The following ROBO2 variants were observed in gnomAD, a reference collection of about 807,000 sequenced individuals.
The protein encoded by ROBO2 is roundabout guidance receptor 2.
Under a neutral mutation model 160.8 loss-of-function variants are expected in ROBO2, and 53 were observed. The observed-to-expected ratio is 0.33, with a 90% CI of 0.26 to 0.41. The LOEUF is 0.41. Among genes scored for constraint, ROBO2 ranks in the 10% least tolerant of loss-of-function variants. ROBO2 has a pLI of 1.00. For synonymous variants in ROBO2, 664 were observed against 611.7 expected, an observed-to-expected ratio of 1.09 and a Z score of -1.26; for missense variants, 1,577 against 1,722.4, an observed-to-expected ratio of 0.92 and a Z score of 1.49.
intron 2 of ROBO2, among the ~76,000 whole-genome samples, chr3:76,293,909 C>T (rs1278951295): frequency 6.6e-6 from 1 of 152,202 alleles, no homozygotes; most frequent in East Asian, 1.9e-4. Context: ...CCTCCTGCCA[C>T]CATTCACGGC....
intron 2 of ROBO2, among the ~76,000 whole-genome samples, chr3:77,228,272 T>C: frequency 6.6e-6 from 1 of 152,050 alleles, no homozygotes; most frequent in East Asian, 1.9e-4. Flanking sequence ...GCTCAAGGGA[T>C]CCTCCCACCT....
chr3:76,237,339 T>A (rs1475904933), intron 2 of ROBO2, among the ~76,000 whole-genome samples: 1 of 152,196 alleles, frequency 6.6e-6, no homozygotes, highest in African/African-American at 2.4e-5. Flanking sequence ...TTGTTTTTTC[T>A]TTATATATCT....
intron 2 of ROBO2, among the ~76,000 whole-genome samples, chr3:76,643,630 T>C (rs1560293560): frequency 6.6e-6 from 1 of 151,078 alleles, no homozygotes; most frequent in Admixed American, 6.6e-5. Flanking sequence ...TATTATTTTG[T>C]GCTTTGTTTT....
intron 2 of ROBO2, among the ~76,000 whole-genome samples, chr3:77,246,663 C>T (rs922517389): frequency 3.5e-4 from 53 of 152,088 alleles, no homozygotes; most frequent in Non-Finnish European, 1.8e-4. Context: ...AGTGTCGGCA[C>T]GTAACATTTT....
intron 6 of ROBO2, among the ~76,000 whole-genome samples, chr3:77,526,691 A>G (rs1398807020): frequency 6.6e-6 from 1 of 151,544 alleles, no homozygotes; most frequent in Admixed American, 6.6e-5. Context: ...AAGTTATGGT[A>G]TAATAAAAAA....
At chr3:77,038,731 C>T (rs1444313601), upstream of ROBO2, among the ~76,000 whole-genome samples, 1 of 152,214 alleles carries the variant, frequency 6.6e-6, no homozygotes, top group Admixed American at 6.5e-5. Flanking sequence ...CCGCCGACAC[C>T]GGCACCCCTT....
At chr3:76,820,021 G>T (rs757187356) in intron 2 of ROBO2, among the ~76,000 whole-genome samples, 1 of 152,028 alleles carries the variant, frequency 6.6e-6, no homozygotes, top group African/African-American at 2.4e-5. Context: ...CAAACAAAAT[G>T]CTCCACCAGG....
intron 2 of ROBO2, among the ~76,000 whole-genome samples, chr3:76,015,125 A>C (rs533424558): frequency 1.3e-5 from 2 of 152,276 alleles, no homozygotes; most frequent in Non-Finnish European, 2.9e-5. Context: ...AGATAAGTAT[A>C]AGAATCACAC....
intron 6 of ROBO2, 150 bp from the exon 7 acceptor site, chr3:77,527,253 A>C (rs2091252695): frequency 2.6e-6 from 1 of 379,990 alleles, no homozygotes. Context: ...TCAGACTCAG[A>C]CATCTTGGTC....
intron 2 of ROBO2, among the ~76,000 whole-genome samples, chr3:77,227,109 CAG>C (rs1347295240): frequency 2.0e-5 from 3 of 151,996 alleles, no homozygotes; most frequent in African/African-American, 7.2e-5. Context: ...TTTCTTGTAA[CAG>C]TGGAAAATAT....
In ROBO2 at chr3:76,176,235, G is replaced by A. The variant is rs142573663; in HGVS notation, c.109+238633G>A. 5.7e-4 allele frequency among the ~76,000 whole-genome samples: 86 copies of A among 151,872 alleles called. 1 individual carries two copies. Among genetic ancestry groups the A allele is most frequent in the Admixed American group, 5.5e-3 (83 of 15,226 alleles). ...GCCCATCTTTGTCACCACCTCCACC[G>A]CCACCTTCACAGCCTAATAGAGAAC... On this transcript the variant is annotated intron_variant, in intron 2 of 26. Coordinates refer to the ROBO2 transcript ENST00000487694.
chr3:76,079,539 A>G (rs971873900), intron 2 of ROBO2, among the ~76,000 whole-genome samples: 2 of 146,430 alleles, frequency 1.4e-5, no homozygotes, highest in Non-Finnish European at 3.0e-5. Flanking sequence ...GCTGGAGTGC[A>G]GTGGCACAAT....
chr3:77,128,679 C>T (rs1283210854), intron 2 of ROBO2, among the ~76,000 whole-genome samples: 1 of 152,108 alleles, frequency 6.6e-6, no homozygotes, highest in Non-Finnish European at 1.5e-5. Context: ...CCTTTCATCC[C>T]ATGTTCTGTG....
At chr3:76,152,917 G>GTA in intron 2 of ROBO2, among the ~76,000 whole-genome samples, 1 of 152,218 alleles carries the variant, frequency 6.6e-6, no homozygotes, top group African/African-American at 2.4e-5. Context: ...ATTTAACAAA[G>GTA]TCAGTATTTA....
intron 2 of ROBO2, among the ~76,000 whole-genome samples, chr3:76,979,578 TGTATGTGTGTGTGTG>T (rs1578007036): frequency 6.6e-6 from 1 of 151,734 alleles, no homozygotes; most frequent in Non-Finnish European, 1.5e-5. Context: ...GGTATTGGGG[TGTATGTGTGTGTGTG>T]GTGTGTGTGT....
intron 2 of ROBO2, among the ~76,000 whole-genome samples, chr3:77,150,176 G>T (rs1195449581): frequency 1.3e-5 from 2 of 152,124 alleles, no homozygotes; most frequent in Non-Finnish European, 2.9e-5. Context: ...TCCCCTGCTG[G>T]GCTCAAGCAG....
intron 2 of ROBO2, among the ~76,000 whole-genome samples, chr3:77,187,658 T>G (rs1005291432): frequency 6.6e-6 from 1 of 151,946 alleles, no homozygotes; most frequent in African/African-American, 2.4e-5. Context: ...TTAGGCAATC[T>G]CTTCAATTTT....
At chr3:76,548,455 A>C (rs1265041180) in intron 2 of ROBO2, among the ~76,000 whole-genome samples, 1 of 152,130 alleles carries the variant, frequency 6.6e-6, no homozygotes, top group Non-Finnish European at 1.5e-5. Flanking sequence ...TGGGTAAGAG[A>C]GGGATACCAT....
chr3:77,260,043 A>G (rs2058677280), intron 2 of ROBO2, among the ~76,000 whole-genome samples: 1 of 152,206 alleles, frequency 6.6e-6, no homozygotes, highest in Non-Finnish European at 1.5e-5. Flanking sequence ...CATTCTAGTT[A>G]GAATTTCCCT....
Sources: gnomAD v4.1 joint callset for allele counts (sites outside exome capture counted in the v4.1 genomes callset) on GRCh38, gnomAD v4.1.1 for gene constraint, MANE v1.5 for transcripts, NCBI Gene and HGNC (gene_info 2026-07-23, HGNC 2026-07-21) for gene names.